The following SRP68 variants were observed in gnomAD, a reference collection of about 807,000 sequenced individuals.
SRP68 encodes signal recognition particle 68.
Under a neutral mutation model 82.2 loss-of-function variants are expected in SRP68, and 15 were observed. The ratio of observed to expected loss-of-function variants is 0.18; its 90% confidence interval spans 0.12 to 0.28. SRP68 has a LOEUF of 0.28. SRP68 is among the 10% of genes least tolerant of loss of function. The pLI, the probability that SRP68 is intolerant of heterozygous loss-of-function variation, is 1.00. For synonymous variants in SRP68, 261 were observed against 292.6 expected (o/e 0.89, Z 1.10); for missense variants, 595 against 780.5 (o/e 0.76, Z 2.83).
chr17:76,048,006 T>C, intron 9 of SRP68, 36 bp from the exon 10 acceptor site: 1 of 1,450,084 alleles, frequency 6.9e-7, no homozygotes. Flanking sequence ...GTAAAGCAAC[T>C]GATGCTCTCC....
intron 8 of SRP68, among the ~76,000 whole-genome samples, chr17:76,052,796 T>C (rs1015309991): frequency 1.6e-5 from 2 of 122,718 alleles, no homozygotes; most frequent in African/African-American, 6.4e-5. Flanking sequence ...AGAGCCAGAC[T>C]CCATCTCAAA....
chr17:76,072,478 T>C lies in SRP68; in HGVS notation c.14A>G (p.Lys5Arg). Residue 5 changes from lysine (K) to arginine (R), a missense_variant, in exon 1 of 16, where the codon AAG (lysine) becomes AGG (arginine). Physicochemically the swap from Lys to Arg is conservative, Grantham distance 26. Coordinates refer to ENST00000307877, the MANE Select transcript of SRP68 (RefSeq NM_014230.4). This position sits in a 1 kb window ranked among gnomAD's most constrained non-coding sequence, Gnocchi z 4.5. Reference sequence around the variant, plus strand: ...GCCGCCGCCGCCGCCTGGGACCTGCTTCTCAGCAGCCATCTTGCCCCTGCG... The same window carrying C: ...GCCGCCGCCGCCGCCTGGGACCTGCCTCTCAGCAGCCATCTTGCCCCTGCG... MAAE[K>R]QVPGGGGGGG... 12 of 1,582,336 alleles carry C rather than the reference T, an allele frequency of 7.6e-6. No individual in the cohort carries two copies. Among genetic ancestry groups the C allele is most frequent in the Non-Finnish European group, 1.0e-5 (12 of 1,171,828 alleles).
intron 3 of SRP68, among the ~76,000 whole-genome samples, chr17:76,066,731 C>CTTT (rs556018212): frequency 4.3e-5 from 6 of 140,902 alleles, no homozygotes; most frequent in East Asian, 2.0e-4. Flanking sequence ...TCACCCCCTC[C>CTTT]TTTTTTTTTT....
At chr17:76,053,390 A>G (rs766966712) in intron 8 of SRP68, 88 of 858,650 alleles carry the variant, frequency 1.0e-4, no homozygotes, top group Non-Finnish European at 1.1e-4. Context: ...CTTCTCAGAC[A>G]AGTGGGGTTA....
intron 14 of SRP68, 75 bp from the exon 15 acceptor site, chr17:76,040,549 C>T (rs1301503371): frequency 6.9e-7 from 1 of 1,455,888 alleles, no homozygotes; most frequent in Non-Finnish European, 9.6e-7. Flanking sequence ...GCCTATCACA[C>T]AGGTGGCCCC....
At chr17:76,062,928 G>A (rs1242550844) in intron 4 of SRP68, among the ~76,000 whole-genome samples, 11 of 148,176 alleles carry the variant, frequency 7.4e-5, no homozygotes, top group East Asian at 5.9e-4. Context: ...CCGCCACTAC[G>A]CCCAGCTAAT....
chr17:76,048,306 TCCCAGTTCCA>T (rs1225842015), intron 9 of SRP68: 2 of 160,684 alleles, frequency 1.2e-5, no homozygotes, highest in African/African-American at 4.8e-5. Flanking sequence ...GTGCCACAGA[TCCCAGTTCCA>T]CCCCTTGTGC....
chr17:76,055,808 T>C (rs957928124), intron 8 of SRP68, among the ~76,000 whole-genome samples: 1 of 63,356 alleles, frequency 1.6e-5, no homozygotes, highest in Non-Finnish European at 2.4e-5. Flanking sequence ...TTTTTTCTTC[T>C]TTTTTTTTTT....
At chr17:76,066,353 G>C (rs2066806041) in intron 3 of SRP68, among the ~76,000 whole-genome samples, 1 of 151,744 alleles carries the variant, frequency 6.6e-6, no homozygotes, top group African/African-American at 2.4e-5. Flanking sequence ...TCCGGAGGCT[G>C]AGGCAGGAGA....
chr17:76,052,402 A>G (rs187470298), intron 8 of SRP68, among the ~76,000 whole-genome samples: 90 of 152,300 alleles, frequency 5.9e-4, no homozygotes, highest in Middle Eastern at 6.8e-3. Flanking sequence ...AATAAGATAC[A>G]TAAGTCTAGA....
In SRP68 at chr17:76,071,998, G is replaced by A. The variant is rs2066856455; in HGVS notation, c.184+310C>T. Reference sequence around the variant, plus strand: ...TCAGTGGCTCAAGGTGCCAAAGCAAGGTGCTCAAGGTGTCACTTGGTCACA... The same window carrying A: ...TCAGTGGCTCAAGGTGCCAAAGCAAAGTGCTCAAGGTGTCACTTGGTCACA... On this transcript the variant is annotated intron_variant, in intron 1 of 15. Transcript: ENST00000307877. The surrounding 1 kb of genome is among the most constrained non-coding windows in gnomAD (Gnocchi z 4.7). The A allele has an allele frequency of 2.1e-6, 1 of 481,774 alleles. No homozygotes were observed. Among genetic ancestry groups the A allele is most frequent in the Non-Finnish European group, 3.7e-6 (1 of 273,284 alleles). 29.8% of individuals were successfully genotyped at this position (481,774 alleles called of 1,614,324 possible).
intron 2 of SRP68, among the ~76,000 whole-genome samples, chr17:76,069,775 G>GAA (rs527828363): frequency 1.5e-5 from 2 of 135,832 alleles, no homozygotes; most frequent in Admixed American, 7.4e-5. Context: ...TTATTTAAAA[G>GAA]AAAAAAAAAA....
At chr17:76,065,270 C>T (rs142333865) in intron 3 of SRP68, among the ~76,000 whole-genome samples, 10 of 151,758 alleles carry the variant, frequency 6.6e-5, no homozygotes, top group African/African-American at 1.9e-4. Flanking sequence ...GTCAGCACAG[C>T]GAGATCCCAT....
chr17:76,062,342 A>G (rs1326194660), intron 4 of SRP68, among the ~76,000 whole-genome samples: 2 of 147,234 alleles, frequency 1.4e-5, no homozygotes, highest in East Asian at 2.0e-4. Flanking sequence ...TCTAGTCCCA[A>G]CTACTCAGGA....
chr17:76,058,812 C>T (rs1044353861), intron 7 of SRP68, among the ~76,000 whole-genome samples: 3 of 152,164 alleles, frequency 2.0e-5, no homozygotes, highest in African/African-American at 7.2e-5. Context: ...AGGAAATAAT[C>T]AAGAATGTGT....
At chr17:76,045,559 A>C (rs530625627) in intron 11 of SRP68, among the ~76,000 whole-genome samples, 173 bp from the exon 12 acceptor site, 62 of 151,470 alleles carry the variant, frequency 4.1e-4, no homozygotes, top group Non-Finnish European at 8.1e-4. Context: ...TGTCACCTCC[A>C]CTCCCCTCTG....
In SRP68 at chr17:76,041,054, C is replaced by T. The variant is rs558003842; in HGVS notation, c.1525-76G>A. The T allele has an allele frequency of 3.0e-4, 337 of 1,139,590 alleles. 1 individual carries two copies. The African/African-American group carries it at 4.2e-3, about 14-fold the overall frequency. 70.6% of individuals were successfully genotyped at this position (1,139,590 alleles called of 1,614,324 possible). A position where few individuals can be genotyped will look rare whatever the true frequency, so the allele number is the denominator to read the frequency against. Reference sequence around the variant, plus strand: ...GCACACCAAGCTAACCCGAGTTAACCGACCCCACTGGTATTTTCACAGGAC... The same window carrying T: ...GCACACCAAGCTAACCCGAGTTAACTGACCCCACTGGTATTTTCACAGGAC... On this transcript the variant is annotated intron_variant, in intron 13 of 15. Coordinates refer to ENST00000307877, the MANE Select transcript of SRP68 (RefSeq NM_014230.4).
chr17:76,051,555 C>G (rs1163386027), intron 8 of SRP68, among the ~76,000 whole-genome samples: 1 of 152,114 alleles, frequency 6.6e-6, no homozygotes, highest in African/African-American at 2.4e-5. Context: ...AAAGAAAAAC[C>G]CTTTTTCTTC....
At position 76,053,748 on chromosome 17, in the gene SRP68, T is replaced by G. The variant is rs371203161; in HGVS notation, c.979-3222A>C. ...CCACTAATCTCTGAAGGAGAAGCTC[T>G]CATGATTCTCCCTGGGCAGGGCAAA... On this transcript the variant is annotated intron_variant, in intron 8 of 15. Transcript: ENST00000307877. 22 of 684,834 alleles carry G rather than the reference T, an allele frequency of 3.2e-5. No homozygotes were observed. In the African/African-American group the frequency reaches 3.9e-4, roughly 12 times the overall value. 42.4% of individuals were successfully genotyped at this position (684,834 alleles called of 1,614,324 possible). A position where few individuals can be genotyped will look rare whatever the true frequency, so the allele number is the denominator to read the frequency against.
Sources: gnomAD v4.1 joint callset for allele counts (sites outside exome capture counted in the v4.1 genomes callset) on GRCh38, gnomAD v4.1.1 for gene constraint, Gnocchi (gnomAD v3.1) non-coding constraint, MANE v1.5 for transcripts, NCBI Gene and HGNC (gene_info 2026-07-23, HGNC 2026-07-21) for gene names.